MCUB: variants seen among roughly 807,000 people sequenced by gnomAD.
MCUB encodes mitochondrial calcium uniporter dominant negative subunit beta.
MCUB carries 46 observed loss-of-function variants against 41.4 expected under a neutral mutation model. The observed-to-expected ratio is 1.11, with a 90% CI of 0.88 to 1.42. The LOEUF (loss-of-function observed/expected upper bound fraction) is 1.42. Among genes scored for constraint, MCUB ranks in the 40% most tolerant of loss-of-function variants. MCUB has a pLI of 0.00. For missense variants in MCUB, 403 were observed against 404.9 expected, an observed-to-expected ratio of 1.00 and a Z score of 0.04; for synonymous variants, 148 against 148.2, an observed-to-expected ratio of 1.00 and a Z score of 0.01.
chr4:109,584,599 A>C (rs906906700), intron 1 of MCUB, among the ~76,000 whole-genome samples: 2 of 152,044 alleles, frequency 1.3e-5, no homozygotes, highest in African/African-American at 4.8e-5. Context: ...TAGTGCTGTA[A>C]ATTTCCCTCC....
chr4:109,651,521 T>C (rs1728960762), intron 1 of MCUB, among the ~76,000 whole-genome samples: 1 of 152,222 alleles, frequency 6.6e-6, no homozygotes, highest in Non-Finnish European at 1.5e-5. Context: ...TACATATACA[T>C]ATATATGTCA....
intron 1 of MCUB, among the ~76,000 whole-genome samples, chr4:109,612,990 C>CA (rs1374161154): frequency 6.6e-6 from 1 of 151,998 alleles, no homozygotes; most frequent in Non-Finnish European, 1.5e-5. Flanking sequence ...TCTGTAGTCC[C>CA]AGCTACTCGC....
intron 1 of MCUB, chr4:109,648,724 CAAA>C (rs59279944): frequency 0.41 from 97,554 of 235,480 alleles, 14,686 homozygotes; most frequent in African/African-American, 0.7. Flanking sequence ...TACAGAGAAG[CAAA>C]AAAAAAAAAA....
At chr4:109,678,187 A>G (rs1369324639) in intron 4 of MCUB, among the ~76,000 whole-genome samples, 1 of 152,122 alleles carries the variant, frequency 6.6e-6, no homozygotes, top group Non-Finnish European at 1.5e-5. Flanking sequence ...CTTAGTACAG[A>G]ACAAAATGGA....
At chr4:109,605,851 G>C (rs1475136788) in intron 1 of MCUB, among the ~76,000 whole-genome samples, 1 of 151,894 alleles carries the variant, frequency 6.6e-6, no homozygotes, top group African/African-American at 2.4e-5. Context: ...TCCTTTTTTG[G>C]GGGGGTTCCA....
At chr4:109,627,194 CAAAT>C (rs1006737603) in intron 1 of MCUB, among the ~76,000 whole-genome samples, 7 of 151,330 alleles carry the variant, frequency 4.6e-5, no homozygotes, top group African/African-American at 1.7e-4. Context: ...ACTTTATGCC[CAAAT>C]AAATCCTAAT....
chr4:109,615,167 G>A (rs1006034015), intron 1 of MCUB, among the ~76,000 whole-genome samples: 3 of 152,132 alleles, frequency 2.0e-5, no homozygotes, highest in Non-Finnish European at 4.4e-5. Context: ...CTTTAGACTT[G>A]AGGATATCTG....
chr4:109,598,795 C>A (rs1311806253), intron 1 of MCUB, among the ~76,000 whole-genome samples: 5 of 152,094 alleles, frequency 3.3e-5, no homozygotes, highest in African/African-American at 1.2e-4. Context: ...TACATATATG[C>A]AGTTGTTCTT....
intron 1 of MCUB, among the ~76,000 whole-genome samples, chr4:109,590,198 C>G (rs1226626026): frequency 6.6e-6 from 1 of 151,798 alleles, no homozygotes; most frequent in East Asian, 1.9e-4. Context: ...TAAGTAATAA[C>G]CCTATAATCC....
intron 1 of MCUB, among the ~76,000 whole-genome samples, chr4:109,597,262 A>G (rs1221746982): frequency 4.1e-5 from 6 of 147,754 alleles, no homozygotes; most frequent in Non-Finnish European, 6.0e-5. Context: ...CCTCCCAGAC[A>G]GGGTGGTGGC....
chr4:109,611,910 AAG>A (rs1579064974), intron 1 of MCUB, among the ~76,000 whole-genome samples: 1 of 152,356 alleles, frequency 6.6e-6, no homozygotes, highest in East Asian at 1.9e-4. Flanking sequence ...ATTAAAATGA[AAG>A]AACATTTTGT....
At chr4:109,590,729 G>A (rs1394874224) in intron 1 of MCUB, among the ~76,000 whole-genome samples, 4 of 152,132 alleles carry the variant, frequency 2.6e-5, no homozygotes, top group Admixed American at 6.5e-5. Flanking sequence ...TATAGAAGAT[G>A]AGGATTTAGC....
At chr4:109,629,704 T>A (rs1728433600) in intron 1 of MCUB, among the ~76,000 whole-genome samples, 1 of 152,202 alleles carries the variant, frequency 6.6e-6, no homozygotes, top group Non-Finnish European at 1.5e-5. Context: ...GATGGAGAGA[T>A]GCATAGGGCA....
intron 1 of MCUB, among the ~76,000 whole-genome samples, chr4:109,589,691 TTCTC>T (rs1002822075): frequency 1.3e-5 from 2 of 152,152 alleles, no homozygotes; most frequent in African/African-American, 4.8e-5. Context: ...TGATGGTTTT[TTCTC>T]TCTCTCTCCT....
In MCUB at chr4:109,573,711, G is replaced by C. The variant is rs900362258; in HGVS notation, c.99+13275G>C. On this transcript the variant is annotated intron_variant, in intron 1 of 7. Coordinates refer to ENST00000394650, the MANE Select transcript of MCUB (RefSeq NM_017918.5). Reference sequence around the variant, plus strand: ...AAACAGTTCCATTTCATTACATTGGGATTGTCACATTGATTGTCAGACTGA... The same window carrying C: ...AAACAGTTCCATTTCATTACATTGGCATTGTCACATTGATTGTCAGACTGA... Among the ~76,000 whole-genome samples, 18 of 152,116 alleles carry C rather than the reference G, an allele frequency of 1.2e-4. No individual in the cohort carries two copies. The South Asian group carries it at 3.5e-3, about 30-fold the overall frequency.
intron 1 of MCUB, among the ~76,000 whole-genome samples, chr4:109,569,868 A>T (rs185803919): frequency 1.3e-3 from 205 of 152,296 alleles, no homozygotes; most frequent in Middle Eastern, 6.8e-3. Flanking sequence ...CAGCCAACCA[A>T]AAGTTTCTAA....
chr4:109,686,543 T>C (rs1354633046), intron 7 of MCUB, among the ~76,000 whole-genome samples: 2 of 152,220 alleles, frequency 1.3e-5, no homozygotes, highest in East Asian at 3.8e-4. Context: ...AATAATCCTA[T>C]CTGAGAAGGC....
At chr4:109,574,380 G>C (rs895583179) in intron 1 of MCUB, among the ~76,000 whole-genome samples, 1 of 152,150 alleles carries the variant, frequency 6.6e-6, no homozygotes, top group Non-Finnish European at 1.5e-5. Context: ...GCTTCTTGAA[G>C]TGTAGGACTC....
At chr4:109,620,602 TTC>T (rs1418673194) in intron 1 of MCUB, among the ~76,000 whole-genome samples, 1 of 151,636 alleles carries the variant, frequency 6.6e-6, no homozygotes, top group African/African-American at 2.4e-5. Flanking sequence ...TAAATTAGCA[TTC>T]AATTGTTATC....
Sources: gnomAD v4.1 joint callset for allele counts (sites outside exome capture counted in the v4.1 genomes callset) on GRCh38, gnomAD v4.1.1 for gene constraint, MANE v1.5 for transcripts, NCBI Gene and HGNC (gene_info 2026-07-23, HGNC 2026-07-21) for gene names.